LIPG: variants seen among roughly 807,000 people sequenced by gnomAD.
LIPG encodes the protein endothelial lipase.
In LIPG, 34 loss-of-function variants were observed where a neutral mutation model predicts 51.8. The observed-to-expected ratio is 0.66, with a 90% CI of 0.50 to 0.87. The LOEUF (loss-of-function observed/expected upper bound fraction) is 0.87, where lower values mean the gene tolerates loss of function less well. Ranked by LOEUF, LIPG falls within the 40% of genes least tolerant of loss-of-function variation. The pLI, the probability that LIPG is intolerant of heterozygous loss-of-function variation, is 0.00. For synonymous variants in LIPG, 246 were observed against 246.1 expected, an observed-to-expected ratio of 1.00 and a Z score of 0.00; for missense variants, 580 against 652.7, an observed-to-expected ratio of 0.89 and a Z score of 1.21.
chr18:49,576,965 C>G (rs1187258808), intron 5 of LIPG, among the ~76,000 whole-genome samples: 1 of 152,180 alleles, frequency 6.6e-6, no homozygotes, highest in Non-Finnish European at 1.5e-5. Flanking sequence ...ATTATTTTTA[C>G]AGGCTGTGTA....
In LIPG at chr18:49,581,646, T is replaced by C; in HGVS notation, c.1025T>C (p.Met342Thr). The C allele has an allele frequency of 6.2e-7, 1 of 1,613,710 alleles. No individual in the cohort carries two copies. The highest frequency in any genetic ancestry group is 8.5e-7 in the Non-Finnish European group (1 of 1,180,034). Reference protein sequence around the residue: ...SKMYLKTRAGMPFRVYHYQMK... With the variant: ...SKMYLKTRAGTPFRVYHYQMK... Reference sequence around the variant, plus strand: ...ATGTACCTAAAAACCCGGGCAGGCATGCCTTTCAGAGGTAACCTTCAGTCC... The same window carrying C: ...ATGTACCTAAAAACCCGGGCAGGCACGCCTTTCAGAGGTAACCTTCAGTCC... The change falls in exon 6 of 10, where the codon ATG becomes ACG. Residue 342 changes from methionine (M) to threonine (T), a missense_variant. Met to Thr is a moderately conservative substitution (Grantham distance 81, BLOSUM62 -1). Transcript: ENST00000261292.
In LIPG at chr18:49,575,426, C is replaced by G; in HGVS notation, c.629C>G (p.Pro210Arg). 6.2e-7 allele frequency: 1 copy of G among 1,614,036 alleles called. No individual in the cohort carries two copies. Among genetic ancestry groups the G allele is most frequent in the East Asian group, 2.2e-5 (1 of 44,880 alleles). The change falls in exon 5 of 10, where the codon CCG (proline) becomes CGG (arginine). Residue 210 changes from proline (P) to arginine (R), a missense_variant. Coordinates refer to ENST00000261292, the MANE Select transcript of LIPG (RefSeq NM_006033.4). ...EGADIHKRLS[P>R]DDADFVDVLH... ...GCCGACATCCACAAGAGGCTCTCTC[C>G]GGACGATGCAGATTTTGTGGATGTC...
rs901129840 is a variant in LIPG at position 49,594,332 on chromosome 18, A to T, written c.*3810A>T. 6.6e-6 allele frequency: 1 copy of T among 152,124 alleles called. No homozygotes were observed. The highest frequency in any genetic ancestry group is 1.5e-5 in the Non-Finnish European group (1 of 68,052). 9.4% of individuals were successfully genotyped at this position (152,124 alleles called of 1,614,324 possible). A position where few individuals can be genotyped will look rare whatever the true frequency, so the allele number is the denominator to read the frequency against. On this transcript the variant is annotated 3_prime_UTR_variant, in exon 10 of 10. Coordinates refer to ENST00000261292, the MANE Select transcript of LIPG (RefSeq NM_006033.4). ...GTATTTTTAGTAGAGACAAGGTTTC[A>T]CCATGTTGGCCAGGCTGGTCTTGAA...
rs553773262 is a variant in LIPG, at chr18:49,584,954, C to G, written c.1376+1180C>G. Reference sequence around the variant, plus strand: ...AAACATTATAGATACAGTTGAAGCCCCTGTGTCCTTCTCTGCTCTACCCTT... The same window carrying G: ...AAACATTATAGATACAGTTGAAGCCGCTGTGTCCTTCTCTGCTCTACCCTT... On this transcript the variant is annotated intron_variant, in intron 8 of 9. Transcript: ENST00000261292. Among the ~76,000 whole-genome samples the G allele has an allele frequency of 7.2e-5, 11 of 152,194 alleles. No homozygotes were observed. In the East Asian group the frequency reaches 1.9e-3, roughly 27 times the overall value.
At chr18:49,571,790 C>G (rs1230653431) in intron 4 of LIPG, among the ~76,000 whole-genome samples, 2 of 152,144 alleles carry the variant, frequency 1.3e-5, no homozygotes, top group African/African-American at 4.8e-5. Flanking sequence ...CTGGGCCTTG[C>G]AAGGGTATAT....
At chr18:49,563,312 A>G (rs931896904) in intron 1 of LIPG, among the ~76,000 whole-genome samples, 2 of 152,206 alleles carry the variant, frequency 1.3e-5, no homozygotes, top group Non-Finnish European at 2.9e-5. Context: ...GGTGCTAACT[A>G]GAAGCATTGC....
In LIPG at chr18:49,586,819, C is replaced by G; in HGVS notation, c.1450C>G (p.Arg484Gly). 1 of 1,614,046 alleles carries G rather than the reference C, an allele frequency of 6.2e-7. No individual in the cohort carries two copies. Residue 484 changes from arginine (R) to glycine (G), a missense_variant, in exon 9 of 10, where the codon CGG becomes GGG. By Grantham distance (125) the Arg-to-Gly change is moderately radical (BLOSUM62 -2). Transcript: ENST00000261292. ...PGRELWFRKC[R>G]DGWRMKNETS... ...CCGGGAGCTCTGGTTTCGCAAGTGTCGGGATGGCTGGAGGATGAAAAACGA... is the reference window on the plus strand; with the variant it reads ...CCGGGAGCTCTGGTTTCGCAAGTGTGGGGATGGCTGGAGGATGAAAAACGA...
At chr18:49,588,151 G>T (rs2084903125) in intron 9 of LIPG, among the ~76,000 whole-genome samples, 1 of 152,134 alleles carries the variant, frequency 6.6e-6, no homozygotes, top group Non-Finnish European at 1.5e-5. Context: ...GTGCCTAAGG[G>T]CTCCTAGCTT....
At chr18:49,561,609 TCTCC>T (rs2084550154), upstream of LIPG, 51 of 1,105,886 alleles carry the variant, frequency 4.6e-5, no homozygotes, top group South Asian at 2.1e-3. Context: ...ACCAGGTGGC[TCTCC>T]CCCGACGGAC....
In LIPG at chr18:49,598,280, G is replaced by C. The variant is rs529856334; in HGVS notation, c.*7758G>C. On this transcript the variant is annotated 3_prime_UTR_variant, in exon 10 of 10. Coordinates refer to ENST00000261292, the MANE Select transcript of LIPG (RefSeq NM_006033.4). ...CGCCATCACTGCTCACTGCAGCCTC[G>C]ACCTCCTGGGCTCAAGCAGTCCTCC... 2 of 152,240 alleles carry C rather than the reference G, an allele frequency of 1.3e-5. No individual in the cohort carries two copies. Among genetic ancestry groups the C allele is most frequent in the Non-Finnish European group, 2.9e-5 (2 of 68,232 alleles). 9.4% of individuals were successfully genotyped at this position (152,240 alleles called of 1,614,324 possible).
At chr18:49,568,681 T>C (rs953713042) in intron 3 of LIPG, among the ~76,000 whole-genome samples, 4 of 152,130 alleles carry the variant, frequency 2.6e-5, no homozygotes, top group Non-Finnish European at 4.4e-5. Context: ...GCACCCAGCC[T>C]ATTTACTTTT....
intron 4 of LIPG, among the ~76,000 whole-genome samples, chr18:49,574,681 T>C (rs1176219069): frequency 1.3e-5 from 2 of 152,136 alleles, no homozygotes; most frequent in Non-Finnish European, 2.9e-5. Flanking sequence ...TGAGAACCAG[T>C]GCTCTCAACA....
In LIPG at chr18:49,562,371, C is replaced by T. The variant is rs874566; in HGVS notation, c.63C>T (p.Ser21=). Residue 21 remains serine, a synonymous_variant, in exon 1 of 10, where the codon AGC becomes AGT. Coordinates refer to ENST00000261292, the MANE Select transcript of LIPG (RefSeq NM_006033.4). ...WSLCYCFAAG[S]PVPFGPEGRL... is the part of the protein sequence containing the mutation. ...TCTGCTATTGCTTTGCTGCGGGGAG[C>T]CCCGTACCTTTTGGTCCAGAGGGAC... is the stretch of plus-strand genomic sequence containing the variant. The T allele has an allele frequency of 0.011, 18,013 of 1,613,570 alleles. 984 individuals carry two copies. The African/African-American group carries it at 0.15, about 14-fold the overall frequency.
At chr18:49,568,809 T>C (rs1160074577) in intron 3 of LIPG, among the ~76,000 whole-genome samples, 2 of 152,168 alleles carry the variant, frequency 1.3e-5, no homozygotes, top group East Asian at 3.9e-4. Flanking sequence ...CTTGTTCCCA[T>C]GGAATGGGAT....
chr18:49,582,594 G>A (rs1048438580), intron 7 of LIPG, 112 bp downstream of exon 7: 72 of 1,396,412 alleles, frequency 5.2e-5, no homozygotes, highest in Non-Finnish European at 6.6e-5. Flanking sequence ...AGTGCAGTCC[G>A]ACTGCTCAGG....
chr18:49,576,814 A>G (rs2084724112), intron 5 of LIPG, among the ~76,000 whole-genome samples: 1 of 151,922 alleles, frequency 6.6e-6, no homozygotes, highest in Non-Finnish European at 1.5e-5. Flanking sequence ...GTGGCTATTC[A>G]CAGCTTACTA....
chr18:49,588,346 G>A (rs1412770518), intron 9 of LIPG, among the ~76,000 whole-genome samples: 1 of 149,936 alleles, frequency 6.7e-6, no homozygotes, highest in Non-Finnish European at 1.5e-5. Flanking sequence ...GCAGTGGAGT[G>A]ATCTTGGCTT....
intron 8 of LIPG, among the ~76,000 whole-genome samples, chr18:49,584,065 G>A (rs1298275133): frequency 6.6e-6 from 1 of 152,138 alleles, no homozygotes; most frequent in Non-Finnish European, 1.5e-5. Context: ...GGAGGAGGGG[G>A]ACTTCTCCTG....
intron 4 of LIPG, among the ~76,000 whole-genome samples, chr18:49,569,766 G>C (rs2148848767): frequency 6.6e-6 from 1 of 152,248 alleles, no homozygotes; most frequent in Non-Finnish European, 1.5e-5. Context: ...CACAGAAAGG[G>C]GGGTGCTGTG....
Sources: allele counts gnomAD v4.1 joint callset (sites outside exome capture counted in the v4.1 genomes callset), GRCh38; gene constraint gnomAD v4.1.1; transcripts MANE v1.5; gene names NCBI Gene and HGNC (gene_info 2026-07-23, HGNC 2026-07-21).